FLT1: variants seen among roughly 807,000 people sequenced by gnomAD.
The protein encoded by FLT1 is fms related receptor tyrosine kinase 1, also known as vascular endothelial growth factor receptor 1.
In FLT1, 49 loss-of-function variants were observed where a neutral mutation model predicts 156.3. The ratio of observed to expected loss-of-function variants is 0.31; its 90% CI spans 0.25 to 0.40. The LOEUF (loss-of-function observed/expected upper bound fraction) is 0.40. Ranked by LOEUF, FLT1 falls within the 10% of genes least tolerant of loss-of-function variation. The pLI is 1.00. For synonymous variants in FLT1, 594 were observed against 583.8 expected (o/e 1.02, Z -0.25); for missense variants, 1,322 against 1,637.2 (o/e 0.81, Z 3.32).
In FLT1 at chr13:28,467,508, C is replaced by A. The variant is rs1448122526; in HGVS notation, c.161+13G>T. ...GGCAACTAGATTATTCCCAAACCAACACAGCCACTTACCTGCATTGGAGAT... is the reference window on the plus strand; with the variant it reads ...GGCAACTAGATTATTCCCAAACCAAAACAGCCACTTACCTGCATTGGAGAT... On this transcript the variant is annotated intron_variant, in intron 2 of 29. Coordinates refer to ENST00000282397, the MANE Select transcript of FLT1 (RefSeq NM_002019.4). 6.4e-7 allele frequency: 1 copy of A among 1,563,796 alleles called. No individual in the cohort carries two copies. The highest frequency in any genetic ancestry group is 1.4e-5 in the African/African-American group (1 of 73,790).
At chr13:28,459,449 G>C (rs1879442811) in intron 3 of FLT1, among the ~76,000 whole-genome samples, 1 of 151,716 alleles carries the variant, frequency 6.6e-6, no homozygotes, top group Non-Finnish European at 1.5e-5. Context: ...TACATGGAAG[G>C]AGCCACATGT....
At chr13:28,389,336 C>A in intron 13 of FLT1, 3 of 1,228,896 alleles carry the variant, frequency 2.4e-6, no homozygotes, top group African/African-American at 1.5e-5. Context: ...CAGAAACCAG[C>A]ATTTGTTTAA....
intron 3 of FLT1, among the ~76,000 whole-genome samples, chr13:28,447,257 C>G (rs1484436939): frequency 6.6e-6 from 1 of 151,508 alleles, no homozygotes; most frequent in African/African-American, 2.4e-5. Flanking sequence ...TGGCTCACTG[C>G]AGCTTCAACA....
At chr13:28,364,026 CTT>C (rs1873203883) in intron 14 of FLT1, among the ~76,000 whole-genome samples, 1 of 152,184 alleles carries the variant, frequency 6.6e-6, no homozygotes, top group Non-Finnish European at 1.5e-5. Flanking sequence ...TCAGGTTTCT[CTT>C]TGTGTGAACT....
chr13:28,495,094 G>C lies in FLT1; in HGVS notation c.-251C>G. 4.4e-6 allele frequency: 2 copies of C among 452,618 alleles called. No individual in the cohort carries two copies. Among genetic ancestry groups the C allele is most frequent in the Non-Finnish European group, 7.7e-6 (2 of 259,688 alleles). 28.0% of individuals were successfully genotyped at this position (452,618 alleles called of 1,614,324 possible). A position where few individuals can be genotyped will look rare whatever the true frequency, so the allele number is the denominator to read the frequency against. ...CGGGGAGGAGCCGAGAGGAGTGTCCGCCTGGCGCGCTCCGAGCCTCCCGCG... is the reference window on the plus strand; with the variant it reads ...CGGGGAGGAGCCGAGAGGAGTGTCCCCCTGGCGCGCTCCGAGCCTCCCGCG... On this transcript the variant is annotated 5_prime_UTR_variant, in exon 1 of 30. Coordinates refer to ENST00000282397, the MANE Select transcript of FLT1 (RefSeq NM_002019.4). The surrounding 1 kb of genome is among the most constrained non-coding windows in gnomAD (Gnocchi z 4.1).
In FLT1 at chr13:28,324,041, ATCCTCT is replaced by A. The variant is rs1871582176; in HGVS notation, c.2797-1101_2797-1096del. 2.6e-5 allele frequency among the ~76,000 whole-genome samples: 4 copies of A among 152,316 alleles called. No individual in the cohort carries two copies. In the South Asian group the frequency reaches 6.2e-4, roughly 24 times the overall value. On this transcript the variant is annotated intron_variant, in intron 20 of 29. Transcript: ENST00000282397. ...TCACCTTACTTTTCTGAGTTTAATT[ATCCTCT>A]TCTGAAAAGCTCTATTATACTATTA...
At chr13:28,456,881 A>G (rs1309845598) in intron 3 of FLT1, among the ~76,000 whole-genome samples, 4 of 152,174 alleles carry the variant, frequency 2.6e-5, no homozygotes, top group African/African-American at 9.6e-5. Context: ...AGCACAGTAG[A>G]TTTTAGGGCA....
chr13:28,412,389 T>TTTCTTTCTTTCTTTCTTTCC (rs1876336378), intron 10 of FLT1, among the ~76,000 whole-genome samples: 3 of 139,112 alleles, frequency 2.2e-5, no homozygotes, highest in African/African-American at 8.0e-5. Flanking sequence ...TCTTTCTTTC[T>TTTCTTTCTTTCTTTCTTTCC]TTCTTTCTTT....
chr13:28,432,422 C>A (rs907106024), intron 6 of FLT1, among the ~76,000 whole-genome samples: 5 of 152,192 alleles, frequency 3.3e-5, no homozygotes, highest in African/African-American at 1.2e-4. Context: ...CCTAACGTAA[C>A]AGACTGAGGG....
intron 25 of FLT1, among the ~76,000 whole-genome samples, chr13:28,313,332 G>A (rs1871080254): frequency 6.6e-6 from 1 of 152,174 alleles, no homozygotes; most frequent in Admixed American, 6.5e-5. Context: ...GGTCATGTCT[G>A]CACGGAATCG....
intron 8 of FLT1, 75 bp from the exon 9 acceptor site, chr13:28,427,996 G>T: frequency 7.6e-7 from 1 of 1,313,580 alleles, no homozygotes; most frequent in Non-Finnish European, 1.1e-6. Context: ...GGTCATTGAA[G>T]TTTTTGAGCT....
intron 28 of FLT1, among the ~76,000 whole-genome samples, chr13:28,307,557 C>A (rs576578653): frequency 6.6e-6 from 1 of 152,008 alleles, no homozygotes. Flanking sequence ...CCATATACTT[C>A]ACCTTTATAT....
Position 28,489,627 on chromosome 13 carries a change from G to A in FLT1, c.64+5153C>T, listed in dbSNP as rs138008176. 2.0e-5 allele frequency among the ~76,000 whole-genome samples: 3 copies of A among 152,176 alleles called. No individual in the cohort carries two copies. In the East Asian group the frequency reaches 5.8e-4, roughly 29 times the overall value. ...GAGGAGACACAGAGGGAGGGAAAAGGTCTTGCAGGCAGACGAGCAGCATGA... is the reference window on the plus strand; with the variant it reads ...GAGGAGACACAGAGGGAGGGAAAAGATCTTGCAGGCAGACGAGCAGCATGA... On this transcript the variant is annotated intron_variant, in intron 1 of 29. Transcript: ENST00000282397.
At chr13:28,368,098 C>T in intron 14 of FLT1, 1 of 729,002 alleles carries the variant, frequency 1.4e-6, no homozygotes, top group Non-Finnish European at 1.7e-6. Flanking sequence ...GCAATTAATG[C>T]ATGTATGTTA....
At chr13:28,417,818 G>C (rs1033610537) in intron 10 of FLT1, among the ~76,000 whole-genome samples, 1 of 152,030 alleles carries the variant, frequency 6.6e-6, no homozygotes, top group Admixed American at 6.5e-5. Context: ...CGTTTGAAGT[G>C]ACTAGGTCAA....
intron 10 of FLT1, among the ~76,000 whole-genome samples, chr13:28,412,780 A>G (rs1194782446): frequency 8.2e-6 from 1 of 121,492 alleles, no homozygotes; most frequent in Non-Finnish European, 1.6e-5. Flanking sequence ...TCTGTCGCCC[A>G]GGCTGGAGTG....
At chr13:28,471,342 A>C (rs1593831793) in intron 1 of FLT1, among the ~76,000 whole-genome samples, 2 of 152,242 alleles carry the variant, frequency 1.3e-5, no homozygotes, top group African/African-American at 4.8e-5. Context: ...TCAAGATTAT[A>C]GTTTAACAGG....
chr13:28,448,253 C>T (rs1483715834), intron 3 of FLT1, among the ~76,000 whole-genome samples: 2 of 152,196 alleles, frequency 1.3e-5, no homozygotes, highest in South Asian at 2.1e-4. Flanking sequence ...AATTCCACCC[C>T]TAGGTATCTA....
At chr13:28,340,832 A>G (rs574423140) in intron 16 of FLT1, among the ~76,000 whole-genome samples, 4 of 152,122 alleles carry the variant, frequency 2.6e-5, no homozygotes, top group African/African-American at 9.7e-5. Flanking sequence ...TCCATAAAGG[A>G]TGAGAAGCAA....
Sources: allele counts gnomAD v4.1 joint callset (sites outside exome capture counted in the v4.1 genomes callset), GRCh38; gene constraint gnomAD v4.1.1; non-coding constraint Gnocchi (gnomAD v3.1); transcripts MANE v1.5; gene names NCBI Gene and HGNC (gene_info 2026-07-23, HGNC 2026-07-21).